RB1: variants seen among roughly 807,000 people sequenced by gnomAD.
The protein encoded by RB1 is retinoblastoma-associated protein.
RB1 carries 18 observed loss-of-function variants against 135.4 expected under a neutral mutation model. That is an observed-to-expected ratio of 0.13 (90% CI 0.09 to 0.20). The LOEUF is 0.20. Among genes scored for constraint, RB1 ranks in the 10% least tolerant of loss-of-function variants. RB1 has a pLI of 1.00. For synonymous variants in RB1, 365 were observed against 373.2 expected, an observed-to-expected ratio of 0.98 and a Z score of 0.25; for missense variants, 868 against 1,110.0, an observed-to-expected ratio of 0.78 and a Z score of 3.10.
chr13:48,339,550 G>C (rs949970543), intron 2 of RB1, among the ~76,000 whole-genome samples: 1 of 152,164 alleles, frequency 6.6e-6, no homozygotes, highest in African/African-American at 2.4e-5. Context: ...GGAGTGACCC[G>C]ATTTTCCAGG....
chr13:48,332,093 G>A (rs1338573007), intron 2 of RB1, among the ~76,000 whole-genome samples: 1 of 152,174 alleles, frequency 6.6e-6, no homozygotes, highest in Non-Finnish European at 1.5e-5. Flanking sequence ...GAACACGGAT[G>A]AACCCGAAGG....
intron 2 of RB1, among the ~76,000 whole-genome samples, chr13:48,323,899 T>C (rs1952262855): frequency 6.6e-6 from 1 of 152,092 alleles, no homozygotes; most frequent in Admixed American, 6.5e-5. Context: ...TAGCATGCAT[T>C]TTGGGGGATA....
chr13:48,465,304 C>A lies in RB1; in HGVS notation c.2425C>A (p.Leu809Met), dbSNP rs768761378. The A allele has an allele frequency of 6.2e-7, 1 of 1,611,186 alleles. No individual in the cohort carries two copies. Among genetic ancestry groups the A allele is most frequent in the Non-Finnish European group, 8.5e-7 (1 of 1,177,414 alleles). ...TGGAGGGAACATCTATATTTCACCC[C>A]TGAAGAGTCCATATAAAATTTCAGA... ...IPGGNIYISP[L>M]KSPYKISEGL... The change falls in exon 23 of 27, where the codon CTG (leucine) becomes ATG (methionine). Residue 809 changes from leucine (L) to methionine (M), a missense_variant. Transcript: ENST00000267163.
intron 2 of RB1, among the ~76,000 whole-genome samples, chr13:48,327,374 A>G (rs1952297351): frequency 6.6e-6 from 1 of 152,188 alleles, no homozygotes; most frequent in Non-Finnish European, 1.5e-5. Context: ...CACATTCAAA[A>G]TACTGATTTA....
At chr13:48,396,961 G>A (rs554243350) in intron 17 of RB1, among the ~76,000 whole-genome samples, 2 of 152,214 alleles carry the variant, frequency 1.3e-5, no homozygotes, top group Admixed American at 6.5e-5. Context: ...TCTCATGCCA[G>A]TTAGAATGGT....
At chr13:48,328,260 C>T in intron 2 of RB1, 1 of 1,548,698 alleles carries the variant, frequency 6.5e-7, no homozygotes. Flanking sequence ...CTCTGATTCA[C>T]TATCTTCATC....
chr13:48,323,635 T>C (rs1050534991), intron 2 of RB1, among the ~76,000 whole-genome samples: 74 of 152,222 alleles, frequency 4.9e-4, no homozygotes, highest in African/African-American at 1.7e-3. Flanking sequence ...GTCAGATATA[T>C]CTTATATATA....
Position 48,304,069 on chromosome 13 carries a change from G to A in RB1, c.137+20G>A, listed in dbSNP as rs1284166819. ...CGTCAGGTGAGCGAGCAGAGCCGCC[G>A]TCGCCTCACGCGGGAAGGGCGCCCC... On this transcript the variant is annotated intron_variant, in intron 1 of 26. Coordinates refer to ENST00000267163, the MANE Select transcript of RB1 (RefSeq NM_000321.3). The A allele has an allele frequency of 1.4e-6, 2 of 1,405,008 alleles. No individual in the cohort carries two copies. The highest frequency in any genetic ancestry group is 1.8e-6 in the Non-Finnish European group (2 of 1,088,408). The allele number at this position is 1,405,008 out of a possible 1,614,324, so 87.0% of individuals were successfully genotyped here.
chr13:48,428,753 A>C (rs1313355873), intron 17 of RB1, among the ~76,000 whole-genome samples: 1 of 152,216 alleles, frequency 6.6e-6, no homozygotes. Context: ...TTGCATTTGT[A>C]CATAGTAATG....
intron 8 of RB1, among the ~76,000 whole-genome samples, chr13:48,364,290 A>T (rs921255471): frequency 1.3e-5 from 2 of 152,216 alleles, no homozygotes; most frequent in African/African-American, 4.8e-5. Flanking sequence ...TGTACAAAAT[A>T]TATGTAGATA....
intron 14 of RB1, 61 bp from the exon 15 acceptor site, chr13:48,379,992 T>A (rs1593456013): frequency 1.1e-6 from 1 of 946,028 alleles, no homozygotes. Context: ...AATTCAATGC[T>A]GACACAAATA....
chr13:48,418,434 A>C (rs1948950914), intron 17 of RB1, among the ~76,000 whole-genome samples: 1 of 152,192 alleles, frequency 6.6e-6, no homozygotes, highest in South Asian at 2.1e-4. Context: ...AACATACCAA[A>C]TTGTAAAGAC....
At chr13:48,396,897 C>G (rs1039815595) in intron 17 of RB1, among the ~76,000 whole-genome samples, 1 of 152,160 alleles carries the variant, frequency 6.6e-6, no homozygotes, top group Non-Finnish European at 1.5e-5. Flanking sequence ...TGAAAAAAAG[C>G]TCATCACCAC....
chr13:48,325,775 T>C (rs1388944304), intron 2 of RB1, among the ~76,000 whole-genome samples: 15 of 152,178 alleles, frequency 9.9e-5, no homozygotes, highest in Admixed American at 9.8e-4. Flanking sequence ...GAATGTGTAA[T>C]ACTACAAACC....
intron 17 of RB1, among the ~76,000 whole-genome samples, chr13:48,448,536 T>C (rs144514993): frequency 1.3e-5 from 2 of 152,344 alleles, no homozygotes; most frequent in East Asian, 1.9e-4. Flanking sequence ...TGAAAATTGT[T>C]AAACTTTTGC....
chr13:48,447,710 C>G (rs759170459), intron 17 of RB1, among the ~76,000 whole-genome samples: 5 of 152,202 alleles, frequency 3.3e-5, no homozygotes, highest in East Asian at 1.9e-4. Context: ...TACTGTGGCT[C>G]CAGAGTTTGT....
chr13:48,311,564 A>G (rs952939486), intron 2 of RB1, among the ~76,000 whole-genome samples: 1 of 151,196 alleles, frequency 6.6e-6, no homozygotes, highest in Non-Finnish European at 1.5e-5. Flanking sequence ...TTGTATATCT[A>G]TACATAGAAA....
chr13:48,411,216 A>C, intron 17 of RB1: 1 of 579,334 alleles, frequency 1.7e-6, no homozygotes, highest in Non-Finnish European at 3.1e-6. Flanking sequence ...TACACAAATA[A>C]AATACATGTT....
chr13:48,349,780 CT>C (rs2138094877), intron 6 of RB1, among the ~76,000 whole-genome samples: 1 of 152,152 alleles, frequency 6.6e-6, no homozygotes, highest in South Asian at 2.1e-4. Flanking sequence ...CTCATTTGAT[CT>C]GTTTCCTACA....
Sources: allele counts gnomAD v4.1 joint callset (sites outside exome capture counted in the v4.1 genomes callset), GRCh38; gene constraint gnomAD v4.1.1; transcripts MANE v1.5; gene names NCBI Gene and HGNC (gene_info 2026-07-23, HGNC 2026-07-21).